EDN1: variants seen among roughly 807,000 people sequenced by gnomAD.
EDN1 encodes the protein endothelin-1.
A neutral mutation model predicts 21.7 loss-of-function variants in EDN1; 11 were observed. The ratio of observed to expected loss-of-function variants is 0.51; its 90% confidence interval spans 0.32 to 0.84. The LOEUF (loss-of-function observed/expected upper bound fraction) is 0.84, where lower values mean the gene tolerates loss of function less well. Ranked by LOEUF, EDN1 falls within the 40% of genes least tolerant of loss-of-function variation. EDN1 has a pLI of 0.03. For synonymous variants in EDN1, 85 were observed against 90.6 expected (o/e 0.94, Z 0.35); for missense variants, 244 against 262.3 (o/e 0.93, Z 0.48).
the EDN1 span, among the ~76,000 whole-genome samples, chr6:12,275,830 G>GT: frequency 7.0e-6 from 1 of 143,876 alleles, no homozygotes; most frequent in East Asian, 2.0e-4. Flanking sequence ...TGTGTGTGTG[G>GT]ATGCATGCAT....
the EDN1 span, among the ~76,000 whole-genome samples, chr6:12,234,363 T>C: frequency 1.3e-5 from 2 of 152,186 alleles, no homozygotes; most frequent in Admixed American, 6.5e-5. Flanking sequence ...CAGTTAACAA[T>C]GACATCCCCT....
the EDN1 span, among the ~76,000 whole-genome samples, chr6:12,233,155 T>C: frequency 2.0e-5 from 3 of 152,246 alleles, no homozygotes; most frequent in East Asian, 1.9e-4. Flanking sequence ...TCCAAAGTTA[T>C]AGGTCCTGAG....
At chr6:12,233,706 C>T in the EDN1 span, among the ~76,000 whole-genome samples, 3 of 152,206 alleles carry the variant, frequency 2.0e-5, no homozygotes, top group Admixed American at 2.0e-4. Flanking sequence ...GGGGTGACAT[C>T]TGCTTTACAT....
At chr6:12,244,318 T>G in the EDN1 span, among the ~76,000 whole-genome samples, 2 of 152,242 alleles carry the variant, frequency 1.3e-5, no homozygotes, top group African/African-American at 4.8e-5. Flanking sequence ...GAGTGAATAT[T>G]TGACCTTTCA....
chr6:12,291,096 G>A (rs1291647253), intron 1 of EDN1, among the ~76,000 whole-genome samples: 3 of 152,100 alleles, frequency 2.0e-5, no homozygotes, highest in Admixed American at 6.5e-5. Context: ...TTAATAGTGT[G>A]TTAACGTGTA....
chr6:12,281,424 A>G, the EDN1 span, among the ~76,000 whole-genome samples: 1 of 151,684 alleles, frequency 6.6e-6, no homozygotes, highest in South Asian at 2.1e-4. Context: ...GACTGTCTCC[A>G]TCATTTCACC....
chr6:12,270,730 C>T, the EDN1 span, among the ~76,000 whole-genome samples: 12 of 152,100 alleles, frequency 7.9e-5, no homozygotes, highest in South Asian at 4.1e-4. Context: ...TGTGCTGTTG[C>T]GAAGAATGTG....
the EDN1 span, among the ~76,000 whole-genome samples, chr6:12,277,383 T>G: frequency 6.6e-6 from 1 of 152,352 alleles, no homozygotes; most frequent in African/African-American, 2.4e-5. Context: ...TACTGTTCTA[T>G]GTCGCCTCAC....
chr6:12,258,992 A>G, the EDN1 span, among the ~76,000 whole-genome samples: 8 of 152,222 alleles, frequency 5.3e-5, no homozygotes, highest in Non-Finnish European at 1.2e-4. Context: ...GACATTTATA[A>G]TGATCACTAT....
At chr6:12,287,622 G>A (rs557405624), upstream of EDN1, among the ~76,000 whole-genome samples, 1 of 143,484 alleles carries the variant, frequency 7.0e-6, no homozygotes, top group South Asian at 2.2e-4. Flanking sequence ...CCTCGCCCCT[G>A]ACACACAAAG....
At chr6:12,271,559 G>A in the EDN1 span, among the ~76,000 whole-genome samples, 4 of 151,846 alleles carry the variant, frequency 2.6e-5, no homozygotes, top group East Asian at 1.9e-4. Context: ...ACTTATCATC[G>A]ACCATGTTGA....
chr6:12,294,193 G>T, intron 3 of EDN1, 68 bp from the exon 4 acceptor site: 2 of 1,613,324 alleles, frequency 1.2e-6, no homozygotes, highest in Non-Finnish European at 1.7e-6. Flanking sequence ...GACTAACAGA[G>T]ACATTGAAAG....
At chr6:12,276,421 A>T in the EDN1 span, among the ~76,000 whole-genome samples, 1 of 152,170 alleles carries the variant, frequency 6.6e-6, no homozygotes, top group African/African-American at 2.4e-5. Flanking sequence ...TACTGTGCAA[A>T]AGCTGGGAAA....
At chr6:12,277,237 G>T in the EDN1 span, among the ~76,000 whole-genome samples, 2 of 152,228 alleles carry the variant, frequency 1.3e-5, no homozygotes, top group Non-Finnish European at 2.9e-5. Flanking sequence ...CTAGGAGATA[G>T]AATTGATAAG....
At chr6:12,284,748 G>GAAGGAAGAAAGAAAGA in the EDN1 span, among the ~76,000 whole-genome samples, 210 of 78,500 alleles carry the variant, frequency 2.7e-3, no homozygotes, top group Middle Eastern at 0.027. Flanking sequence ...AGGAAGGAAG[G>GAAGGAAGAAAGAAAGA]AAGAAAGAAA....
At chr6:12,295,295 C>T (rs1485309997) in intron 4 of EDN1, among the ~76,000 whole-genome samples, 1 of 152,012 alleles carries the variant, frequency 6.6e-6, no homozygotes, top group African/African-American at 2.4e-5. Context: ...GTGGGGCAGC[C>T]TCAGCTATCG....
chr6:12,263,017 G>C, the EDN1 span, among the ~76,000 whole-genome samples: 1 of 152,074 alleles, frequency 6.6e-6, no homozygotes, highest in East Asian at 1.9e-4. Context: ...TCTTATTTCT[G>C]GGTAATTATA....
In EDN1 at chr6:12,296,164, C is replaced by A. The variant is rs1581889873; in HGVS notation, c.*97C>A. The A allele has an allele frequency of 9.1e-7, 1 of 1,093,682 alleles. No individual in the cohort carries two copies. Among genetic ancestry groups the A allele is most frequent in the Non-Finnish European group, 1.4e-6 (1 of 710,238 alleles). 67.7% of individuals were successfully genotyped at this position (1,093,682 alleles called of 1,614,324 possible). ...CTGGCTGGGATCAGAGCAGGAGCAT[C>A]CTCTGCTGGTTCCTGACTGGCAAAG... On this transcript the variant is annotated 3_prime_UTR_variant, in exon 5 of 5. Coordinates refer to ENST00000379375, the MANE Select transcript of EDN1 (RefSeq NM_001955.5).
At chr6:12,242,742 A>G in the EDN1 span, among the ~76,000 whole-genome samples, 2 of 150,116 alleles carry the variant, frequency 1.3e-5, no homozygotes, top group Admixed American at 6.6e-5. Context: ...TCCTTGGCTG[A>G]ACATGCTTTG....
Sources: gnomAD v4.1 joint callset for allele counts (sites outside exome capture counted in the v4.1 genomes callset) on GRCh38, gnomAD v4.1.1 for gene constraint, MANE v1.5 for transcripts, NCBI Gene and HGNC (gene_info 2026-07-23, HGNC 2026-07-21) for gene names.